NRSN2: variants seen among roughly 807,000 people sequenced by gnomAD.
NRSN2 encodes the protein neurensin 2.
A neutral mutation model predicts 11.1 loss-of-function variants in NRSN2; 10 were observed. The ratio of observed to expected loss-of-function variants is 0.90; its 90% CI spans 0.56 to 1.53. The LOEUF is 1.53. Among genes scored for constraint, NRSN2 ranks in the 40% most tolerant of loss-of-function variants. The probability of loss-of-function intolerance (pLI) is 0.00; values close to 1 mark genes in which losing one functional copy is unlikely to be tolerated. For missense variants in NRSN2, 260 were observed against 273.7 expected, an observed-to-expected ratio of 0.95 and a Z score of 0.35; for synonymous variants, 100 against 117.0, an observed-to-expected ratio of 0.86 and a Z score of 0.94.
intron 4 of NRSN2, among the ~76,000 whole-genome samples, chr20:351,398 G>A (rs1194665302): frequency 6.6e-6 from 1 of 152,126 alleles, no homozygotes. Context: ...GCTGGATGTA[G>A]TGGCGCGGGC....
rs2014255509 is a variant in NRSN2, at chr20:354,708, C to T, written c.*1073C>T. 2 of 152,474 alleles carry T rather than the reference C, an allele frequency of 1.3e-5. No homozygotes were observed. The highest frequency in any genetic ancestry group is 3.9e-4 in the East Asian group (2 of 5,182). 9.4% of individuals were successfully genotyped at this position (152,474 alleles called of 1,614,324 possible). ...GGCTCTCGCCCCTCCCCTCCCTAAC[C>T]CTTACCTTCAGTCTCCACCAGCCTG... On this transcript the variant is annotated 3_prime_UTR_variant, in exon 5 of 5. Coordinates refer to ENST00000382285, the MANE Select transcript of NRSN2 (RefSeq NM_001323682.2).
chr20:353,317 G>A lies in NRSN2; in HGVS notation c.297G>A (p.Leu99=), dbSNP rs1490026054. 3 of 1,614,072 alleles carry A rather than the reference G, an allele frequency of 1.9e-6. No individual in the cohort carries two copies. Among genetic ancestry groups the A allele is most frequent in the Admixed American group, 1.7e-5 (1 of 60,004 alleles). The change falls in exon 5 of 5, where the codon CTG becomes CTA. Residue 99 remains leucine, a synonymous_variant. Transcript: ENST00000382285. ...AGGGCATCGGTGAGGGTGAGTTCCT[G>A]GTGTTGGATCAGCGGGCAGCCGACT... The part of the protein sequence containing the change: ...KLEGIGEGEF[L]VLDQRAADYN...
Position 353,727 on chromosome 20 carries a change from G to A in NRSN2, c.*92G>A. On this transcript the variant is annotated 3_prime_UTR_variant, in exon 5 of 5. Coordinates refer to ENST00000382285, the MANE Select transcript of NRSN2 (RefSeq NM_001323682.2). ...GTGTTTCCCCAACTTCTCCCTTTTA[G>A]CAGGGTCCCTTTAGAGCCCAACTCC... The A allele has an allele frequency of 7.3e-7, 1 of 1,366,542 alleles. No homozygotes were observed. Among genetic ancestry groups the A allele is most frequent in the Non-Finnish European group, 1.0e-6 (1 of 999,762 alleles). 84.7% of individuals were successfully genotyped at this position (1,366,542 alleles called of 1,614,324 possible).
At position 349,739 on chromosome 20, in the gene NRSN2, C is replaced by T. The variant is rs375888024; in HGVS notation, c.96C>T (p.Phe32=). The T allele has an allele frequency of 8.1e-6, 13 of 1,613,470 alleles. No homozygotes were observed. Among genetic ancestry groups the T allele is most frequent in the Non-Finnish European group, 1.1e-5 (13 of 1,180,018 alleles). ...GGGTCCGCTCCTACCTGCACCTCTT[C>T]TATGAGGACTGTGCAGGCACTGCTC... ...WYGVRSYLHL[F]YEDCAGTALS... is the part of the protein sequence containing the mutation. The change falls in exon 4 of 5, where the codon TTC becomes TTT. Residue 32 remains phenylalanine (F), a synonymous_variant. Transcript: ENST00000382285.
Position 354,037 on chromosome 20 carries a change from C to T in NRSN2, c.*402C>T. 1 of 210,766 alleles carries T rather than the reference C, an allele frequency of 4.7e-6. No homozygotes were observed. The highest frequency in any genetic ancestry group is 9.1e-5 in the South Asian group (1 of 10,968). The allele number at this position is 210,766 out of a possible 1,614,324, so 13.1% of individuals were successfully genotyped here. Reference sequence around the variant, plus strand: ...CAGGATGAGGACACGCACTGCCCTCCATAGACACAGATGAAGGGGTGGGGG... The same window carrying T: ...CAGGATGAGGACACGCACTGCCCTCTATAGACACAGATGAAGGGGTGGGGG... On this transcript the variant is annotated 3_prime_UTR_variant, in exon 5 of 5. Transcript: ENST00000382285.
chr20:350,439 A>G (rs928774102), intron 4 of NRSN2, among the ~76,000 whole-genome samples: 77 of 146,168 alleles, frequency 5.3e-4, no homozygotes, highest in African/African-American at 1.9e-3. Context: ...AGATCAATCC[A>G]TTGCACTCCA....
At position 353,091 on chromosome 20, in the gene NRSN2, C is replaced by T. The variant is rs934270996; in HGVS notation, c.190-119C>T. The T allele has an allele frequency of 1.1e-5, 9 of 851,746 alleles. No homozygotes were observed. In the African/African-American group the frequency reaches 1.5e-4, roughly 15 times the overall value. The allele number at this position is 851,746 out of a possible 1,614,324, so 52.8% of individuals were successfully genotyped here. On this transcript the variant is annotated intron_variant, in intron 4 of 4. Transcript: ENST00000382285. ...CCCAGCAAGTGTGTTCTGTGATTCC[C>T]ATCTCCTGAGGATGGATCAAGGGGT...
At chr20:350,207 G>A (rs1263431252) in intron 4 of NRSN2, among the ~76,000 whole-genome samples, 1 of 152,126 alleles carries the variant, frequency 6.6e-6, no homozygotes, top group East Asian at 1.9e-4. Context: ...GGGTGCGGTA[G>A]TTCACGCCTG....
Position 353,252 on chromosome 20 carries a change from G to A in NRSN2, c.232G>A (p.Ala78Thr), listed in dbSNP as rs372791832. ...SGTLLLLLGVAALTTGYAVPP... is the reference protein window; with the variant it reads ...SGTLLLLLGVTALTTGYAVPP... ...GACCCTGCTTCTGCTGCTGGGTGTG[G>A]CGGCTCTGACCACTGGCTATGCAGT... Residue 78 changes from alanine (A) to threonine (T), a missense_variant, in exon 5 of 5, where the codon GCG becomes ACG. Physicochemically the swap from Ala to Thr is moderately conservative, Grantham distance 58. Coordinates refer to ENST00000382285, the MANE Select transcript of NRSN2 (RefSeq NM_001323682.2). The A allele has an allele frequency of 2.5e-6, 4 of 1,614,020 alleles. No homozygotes were observed. The highest frequency in any genetic ancestry group is 1.3e-5 in the African/African-American group (1 of 75,000).
Position 349,366 on chromosome 20 carries a change from A to C in NRSN2, c.-7+3A>C. On this transcript the variant is annotated splice_donor_region_variant and intron_variant, in intron 3 of 4. Coordinates refer to ENST00000382285, the MANE Select transcript of NRSN2 (RefSeq NM_001323682.2). ...GGCTCCAGAGCCCACAGTCCCAGGT[A>C]CTGGGTGGCCTCCAGAGTAAACATG... 3.2e-6 allele frequency: 1 copy of C among 309,756 alleles called. No homozygotes were observed. The highest frequency in any genetic ancestry group is 6.0e-6 in the Non-Finnish European group (1 of 167,064). The allele number at this position is 309,756 out of a possible 1,614,324, so 19.2% of individuals were successfully genotyped here.
rs752274323 is a variant in NRSN2, at chr20:349,780, A to T, written c.137A>T (p.Glu46Val). The T allele has an allele frequency of 6.2e-7, 1 of 1,613,552 alleles. No homozygotes were observed. Among genetic ancestry groups the T allele is most frequent in the Admixed American group, 1.7e-5 (1 of 60,022 alleles). The change falls in exon 4 of 5, where the codon GAG becomes GTG. Residue 46 changes from glutamate (E) to valine (V), a missense_variant. Physicochemically the swap from Glu to Val is moderately radical, Grantham distance 121. Coordinates refer to ENST00000382285, the MANE Select transcript of NRSN2 (RefSeq NM_001323682.2). Reference sequence around the variant, plus strand: ...GGCACTGCTCTCAGCGACGACCCTGAGGGACCTCCGGTCCTGTGCCCCCGC... The same window carrying T: ...GGCACTGCTCTCAGCGACGACCCTGTGGGACCTCCGGTCCTGTGCCCCCGC... ...CAGTALSDDP[E>V]GPPVLCPRRP...
chr20:347,830 G>C lies in NRSN2; in HGVS notation c.-122+318G>C, dbSNP rs1258315794. ...TCCCACCGAGCTCCTCCCGGCTCCC[G>C]GGCTGGGGACGCCTCCCTAGCGGTT... On this transcript the variant is annotated intron_variant, in intron 2 of 4. Coordinates refer to ENST00000382285, the MANE Select transcript of NRSN2 (RefSeq NM_001323682.2). The surrounding 1 kb of genome is among the most constrained non-coding windows in gnomAD (Gnocchi z 7.0). 2.6e-5 allele frequency among the ~76,000 whole-genome samples: 4 copies of C among 151,916 alleles called. No homozygotes were observed. Among genetic ancestry groups the C allele is most frequent in the African/African-American group, 9.7e-5 (4 of 41,360 alleles).
Position 349,699 on chromosome 20 carries a change from A to G in NRSN2, c.56A>G (p.Asp19Gly). 6.2e-7 allele frequency: 1 copy of G among 1,613,408 alleles called. No individual in the cohort carries two copies. Among genetic ancestry groups the G allele is most frequent in the Non-Finnish European group, 8.5e-7 (1 of 1,180,004 alleles). ...CSCSRGPSVEDGKWYGVRSYL... is the reference protein window; with the variant it reads ...CSCSRGPSVEGGKWYGVRSYL... ...TGCAGCCGCGGCCCCAGCGTGGAGGATGGCAAGTGGTATGGGGTCCGCTCC... is the reference window on the plus strand; with the variant it reads ...TGCAGCCGCGGCCCCAGCGTGGAGGGTGGCAAGTGGTATGGGGTCCGCTCC... The change falls in exon 4 of 5, where the codon GAT becomes GGT. Residue 19 changes from aspartate (D) to glycine (G), a missense_variant. Asp to Gly is a moderately conservative substitution (Grantham distance 94). Coordinates refer to ENST00000382285, the MANE Select transcript of NRSN2 (RefSeq NM_001323682.2).
chr20:349,575 G>A lies in NRSN2; in HGVS notation c.-6-63G>A, dbSNP rs188653722. On this transcript the variant is annotated intron_variant, in intron 3 of 4. Transcript: ENST00000382285. ...CACAAAGATTTAGGGGGCTTATGAA[G>A]GTCACCATGAGCAGCTCCCACTAAT... The A allele has an allele frequency of 2.5e-4, 348 of 1,395,910 alleles. No homozygotes were observed. The African/African-American group carries it at 2.9e-3, about 11-fold the overall frequency. 86.5% of individuals were successfully genotyped at this position (1,395,910 alleles called of 1,614,324 possible). A position where few individuals can be genotyped will look rare whatever the true frequency, so the allele number is the denominator to read the frequency against.
Position 353,610 on chromosome 20 carries a change from C to G in NRSN2, c.590C>G (p.Thr197Ser). The change falls in exon 5 of 5, where the codon ACT becomes AGT. Residue 197 changes from threonine (T) to serine (S), a missense_variant. By Grantham distance (58) the Thr-to-Ser change is moderately conservative (BLOSUM62 1). Transcript: ENST00000382285. ...CCCTTTGGGCAATCTTCTGTGCAGA[C>G]TATCCAGCCCAAGAGGGACTCCTGA... ...ASPFGQSSVQTIQPKRDS is the reference protein window; with the variant it reads ...ASPFGQSSVQSIQPKRDS 1 of 1,614,198 alleles carries G rather than the reference C, an allele frequency of 6.2e-7. No homozygotes were observed. Among genetic ancestry groups the G allele is most frequent in the Non-Finnish European group, 8.5e-7 (1 of 1,180,040 alleles).
At chr20:350,505 G>T in intron 4 of NRSN2, among the ~76,000 whole-genome samples, 1 of 149,174 alleles carries the variant, frequency 6.7e-6, no homozygotes, top group East Asian at 2.0e-4. Context: ...AAAATGAGCC[G>T]GGCGTGGTGG....
chr20:350,386 G>A (rs1352123669), intron 4 of NRSN2, among the ~76,000 whole-genome samples: 1 of 151,554 alleles, frequency 6.6e-6, no homozygotes, highest in African/African-American at 2.4e-5. Flanking sequence ...GGCTGAGGCA[G>A]GAGAATCACT....
chr20:353,603 G>T lies in NRSN2; in HGVS notation c.583G>T (p.Val195Leu). The stretch of plus-strand genomic sequence containing the variant: ...CGCCAGCCCCTTTGGGCAATCTTCT[G>T]TGCAGACTATCCAGCCCAAGAGGGA... ...PPASPFGQSS[V>L]QTIQPKRDS The change falls in exon 5 of 5, where the codon GTG (valine) becomes TTG (leucine). Residue 195 changes from valine to leucine, a missense_variant. Coordinates refer to ENST00000382285, the MANE Select transcript of NRSN2 (RefSeq NM_001323682.2). 6.2e-7 allele frequency: 1 copy of T among 1,614,180 alleles called. No individual in the cohort carries two copies. The highest frequency in any genetic ancestry group is 2.2e-5 in the East Asian group (1 of 44,882).
rs1382365000 is a variant in NRSN2, at chr20:347,820, C to T, written c.-122+308C>T. Among the ~76,000 whole-genome samples, 1 of 152,090 alleles carries T rather than the reference C, an allele frequency of 6.6e-6. No individual in the cohort carries two copies. The highest frequency in any genetic ancestry group is 1.5e-5 in the Non-Finnish European group (1 of 67,994). ...CCCGCTCCCCTCCCACCGAGCTCCT[C>T]CCGGCTCCCGGGCTGGGGACGCCTC... On this transcript the variant is annotated intron_variant, in intron 2 of 4. Coordinates refer to ENST00000382285, the MANE Select transcript of NRSN2 (RefSeq NM_001323682.2). The surrounding 1 kb of genome is among the most constrained non-coding windows in gnomAD (Gnocchi z 7.0).
Sources: allele counts gnomAD v4.1 joint callset (sites outside exome capture counted in the v4.1 genomes callset), GRCh38; gene constraint gnomAD v4.1.1; non-coding constraint Gnocchi (gnomAD v3.1); transcripts MANE v1.5; gene names NCBI Gene and HGNC (gene_info 2026-07-23, HGNC 2026-07-21).